KHNYN: variants seen among roughly 807,000 people sequenced by gnomAD.
The protein encoded by KHNYN is protein KHNYN.
In KHNYN, 42 loss-of-function variants were observed where a neutral mutation model predicts 62.7. The ratio of observed to expected loss-of-function variants is 0.67; its 90% CI spans 0.52 to 0.87. KHNYN has a LOEUF of 0.87. KHNYN is among the 40% of genes least tolerant of loss of function. The pLI, the probability that KHNYN is intolerant of heterozygous loss-of-function variation, is 0.00. For synonymous variants in KHNYN, 347 were observed against 345.6 expected, an observed-to-expected ratio of 1.00 and a Z score of -0.04; for missense variants, 829 against 874.1, an observed-to-expected ratio of 0.95 and a Z score of 0.65.
chr14:24,436,850 T>C (rs1388485822), intron 7 of KHNYN, among the ~76,000 whole-genome samples, 186 bp from the exon 8 acceptor site: 1 of 152,208 alleles, frequency 6.6e-6, no homozygotes, highest in East Asian at 1.9e-4. Flanking sequence ...ACCCTGTTTC[T>C]AAAAGAACGG....
In KHNYN at chr14:24,437,985, A is replaced by G. The variant is rs1305494402; in HGVS notation, c.*700A>G. 2.0e-5 allele frequency: 3 copies of G among 152,588 alleles called. No individual in the cohort carries two copies. Among genetic ancestry groups the G allele is most frequent in the Non-Finnish European group, 4.4e-5 (3 of 68,036 alleles). 9.5% of individuals were successfully genotyped at this position (152,588 alleles called of 1,614,324 possible). A position where few individuals can be genotyped will look rare whatever the true frequency, so the allele number is the denominator to read the frequency against. ...CTCAGGTGTGTCTGCCTGTGGCTGC[A>G]CAGGCTCTCTAACCGAAACCTCACT... On this transcript the variant is annotated 3_prime_UTR_variant, in exon 8 of 8. Transcript: ENST00000553935. The surrounding 1 kb of genome is among the most constrained non-coding windows in gnomAD (Gnocchi z 5.5).
At position 24,430,744 on chromosome 14, in the gene KHNYN, G is replaced by A. The variant is rs1200712583; in HGVS notation, c.14G>A (p.Gly5Glu). MPTW[G>E]ARPASPDRFA... is the part of the protein sequence containing the mutation. ...GGGGCAGCAGCCATGCCTACCTGGG[G>A]GGCCCGCCCCGCGTCCCCAGATCGC... Residue 5 changes from glycine to glutamate, a missense_variant, in exon 2 of 8, where the codon GGG (glycine) becomes GAG (glutamate). Coordinates refer to ENST00000553935, the MANE Select transcript of KHNYN (RefSeq NM_015299.3). 3 of 1,567,284 alleles carry A rather than the reference G, an allele frequency of 1.9e-6. No individual in the cohort carries two copies. Among genetic ancestry groups the A allele is most frequent in the African/African-American group, 1.4e-5 (1 of 73,846 alleles).
In KHNYN at chr14:24,430,948, C is replaced by T. The variant is rs1364363545; in HGVS notation, c.201+17C>T. 2.5e-6 allele frequency: 4 copies of T among 1,602,198 alleles called. No homozygotes were observed. The highest frequency in any genetic ancestry group is 4.5e-5 in the East Asian group (2 of 44,604). On this transcript the variant is annotated intron_variant, in intron 2 of 7. Coordinates refer to ENST00000553935, the MANE Select transcript of KHNYN (RefSeq NM_015299.3). Reference sequence around the variant, plus strand: ...AGAGCCAAGGTGAACGCCTTCTCTCCCCCATCCCTCCAGGCACCAAGGACG... The same window carrying T: ...AGAGCCAAGGTGAACGCCTTCTCTCTCCCATCCCTCCAGGCACCAAGGACG...
Position 24,440,965 on chromosome 14 carries a change from G to T in KHNYN, c.*3680G>T. On this transcript the variant is annotated 3_prime_UTR_variant, in exon 8 of 8. Transcript: ENST00000553935. ...ACAATCATTTGCCCTGGGTGTCCTT[G>T]GTCCTGCCTGGCTCTCTGTAGTGGA... is the stretch of plus-strand genomic sequence containing the variant. The T allele has an allele frequency of 1.2e-6, 2 of 1,612,780 alleles. No homozygotes were observed. Among genetic ancestry groups the T allele is most frequent in the Non-Finnish European group, 1.7e-6 (2 of 1,179,120 alleles).
chr14:24,429,027 G>C, upstream of KHNYN: 1 of 1,521,940 alleles, frequency 6.6e-7, no homozygotes, highest in East Asian at 2.5e-5. Context: ...AGGGGACCTG[G>C]TAGCCAGTGT....
At chr14:24,431,073 G>A (rs1375537818) in intron 2 of KHNYN, 142 bp downstream of exon 2, 1 of 730,140 alleles carries the variant, frequency 1.4e-6, no homozygotes, top group Non-Finnish European at 2.2e-6. Flanking sequence ...GGCAACCTCA[G>A]TGCCCCTGAG....
At chr14:24,436,207 G>A in intron 6 of KHNYN, 28 bp downstream of exon 6, 1 of 1,574,876 alleles carries the variant, frequency 6.3e-7, no homozygotes, top group Non-Finnish European at 8.7e-7. Context: ...CTGAGAACTG[G>A]GCACAGATGC....
upstream of KHNYN, chr14:24,428,341 C>A (rs1489520700): frequency 6.2e-7 from 1 of 1,613,964 alleles, no homozygotes; most frequent in South Asian, 1.1e-5. Context: ...GCTGTAGACA[C>A]CCCGGACAGG....
upstream of KHNYN, chr14:24,426,392 G>A (rs917298159): frequency 2.6e-5 from 4 of 152,076 alleles, no homozygotes; most frequent in African/African-American, 9.7e-5. Flanking sequence ...AATATCTGAA[G>A]CAAAGATCCA....
intron 5 of KHNYN, 162 bp from the exon 6 acceptor site, chr14:24,435,910 T>C (rs997649240): frequency 4.0e-5 from 25 of 631,658 alleles, no homozygotes; most frequent in Non-Finnish European, 6.4e-5. Flanking sequence ...TTTTTACTTT[T>C]ATTTTTGTAG....
Position 24,430,810 on chromosome 14 carries a change from A to G in KHNYN, c.80A>G (p.Gln27Arg). Reference protein sequence around the residue: ...SAEAENKVREQQPHVERIFSV... With the variant: ...SAEAENKVRERQPHVERIFSV... ...GAGGCTGAGAACAAGGTTCGGGAACAGCAGCCCCATGTGGAGCGCATCTTC... is the reference window on the plus strand; with the variant it reads ...GAGGCTGAGAACAAGGTTCGGGAACGGCAGCCCCATGTGGAGCGCATCTTC... The change falls in exon 2 of 8, where the codon CAG becomes CGG. Residue 27 changes from glutamine to arginine, a missense_variant. Gln to Arg is a conservative substitution (Grantham distance 43). Transcript: ENST00000553935. 1 of 1,611,780 alleles carries G rather than the reference A, an allele frequency of 6.2e-7. No homozygotes were observed. The highest frequency in any genetic ancestry group is 8.5e-7 in the Non-Finnish European group (1 of 1,179,048).
At position 24,438,725 on chromosome 14, in the gene KHNYN, G is replaced by T. The variant is rs755034784; in HGVS notation, c.*1440G>T. ...TTCTGTTACATCCACCTTTGAGGCT[G>T]GTCATACCTCCAGGAACAATACAGA... On this transcript the variant is annotated 3_prime_UTR_variant, in exon 8 of 8. Transcript: ENST00000553935. The T allele has an allele frequency of 6.6e-6, 1 of 152,130 alleles. No homozygotes were observed. 9.4% of individuals were successfully genotyped at this position (152,130 alleles called of 1,614,324 possible). A position where few individuals can be genotyped will look rare whatever the true frequency, so the allele number is the denominator to read the frequency against.
upstream of KHNYN, chr14:24,427,440 T>A (rs58259908): frequency 0.098 from 25,985 of 265,514 alleles, 2,669 homozygotes; most frequent in African/African-American, 0.31. The surrounding 1 kb of genome is among the most constrained non-coding windows in gnomAD (Gnocchi z 4.4). Flanking sequence ...CTGTCCCTGA[T>A]CAGCATTGAG....
At position 24,436,942 on chromosome 14, in the gene KHNYN, G is replaced by T. The variant is rs1223044296; in HGVS notation, c.1788-94G>T. 5 of 1,490,620 alleles carry T rather than the reference G, an allele frequency of 3.4e-6. No individual in the cohort carries two copies. The East Asian group carries it at 1.1e-4, about 34-fold the overall frequency. 92.3% of individuals were successfully genotyped at this position (1,490,620 alleles called of 1,614,324 possible). A position where few individuals can be genotyped will look rare whatever the true frequency, so the allele number is the denominator to read the frequency against. On this transcript the variant is annotated intron_variant, in intron 7 of 7. Coordinates refer to ENST00000553935, the MANE Select transcript of KHNYN (RefSeq NM_015299.3). ...CTTCAGGATTTCTCCCCCAAAGCCA[G>T]GAATAGGCAGGACAATTACGAGAGG...
chr14:24,430,535 G>A (rs1361239932), intron 1 of KHNYN, 179 bp from the exon 2 acceptor site: 1 of 1,405,928 alleles, frequency 7.1e-7, no homozygotes, highest in Non-Finnish European at 9.2e-7. Context: ...TTCCTCTCCG[G>A]AGAGGCCTGC....
chr14:24,437,475 T>A lies in KHNYN; in HGVS notation c.*190T>A. The A allele has an allele frequency of 1.6e-6, 1 of 629,358 alleles. No homozygotes were observed. The highest frequency in any genetic ancestry group is 2.7e-6 in the Non-Finnish European group (1 of 374,876). 39.0% of individuals were successfully genotyped at this position (629,358 alleles called of 1,614,324 possible). ...TTACCGAGTCAGGACCTCAGCCAGC[T>A]CTCAAGAGGTTCTGCTCAGCCTTAA... On this transcript the variant is annotated 3_prime_UTR_variant, in exon 8 of 8. Transcript: ENST00000553935. The surrounding 1 kb of genome is among the most constrained non-coding windows in gnomAD (Gnocchi z 5.5).
rs767971968 is a variant in KHNYN, at chr14:24,432,087, C to T, written c.826C>T (p.Pro276Ser). ...GATGGATTGGGGGTGGAAGGAGTTGCCTGGGGAAGAGGCGTGGGAGAGAGA... is the reference window on the plus strand; with the variant it reads ...GATGGATTGGGGGTGGAAGGAGTTGTCTGGGGAAGAGGCGTGGGAGAGAGA... ...REMDWGWKEL[P>S]GEEAWEREVA... The change falls in exon 3 of 8, where the codon CCT (proline) becomes TCT (serine). Residue 276 changes from proline to serine, a missense_variant. By Grantham distance (74) the Pro-to-Ser change is moderately conservative. Around this residue, in one of 2 missense-constraint regions of KHNYN, gnomAD observed 559 missense variants for 527.0 expected, o/e 1.06. Coordinates refer to ENST00000553935, the MANE Select transcript of KHNYN (RefSeq NM_015299.3). The surrounding 1 kb of genome is among the most constrained non-coding windows in gnomAD (Gnocchi z 5.6). The T allele has an allele frequency of 1.3e-6, 2 of 1,562,796 alleles. No individual in the cohort carries two copies. The highest frequency in any genetic ancestry group is 1.7e-6 in the Non-Finnish European group (2 of 1,152,962).
chr14:24,441,757 C>A lies in KHNYN; in HGVS notation c.*4472C>A. On this transcript the variant is annotated 3_prime_UTR_variant, in exon 8 of 8. Transcript: ENST00000553935. Reference sequence around the variant, plus strand: ...AGCCAGCAATTGGGTGGTCTCTAGGCGGCTGCCGATTACCTCTTTTTGGAA... The same window carrying A: ...AGCCAGCAATTGGGTGGTCTCTAGGAGGCTGCCGATTACCTCTTTTTGGAA... 6.2e-7 allele frequency: 1 copy of A among 1,602,462 alleles called. No individual in the cohort carries two copies. The highest frequency in any genetic ancestry group is 2.2e-5 in the East Asian group (1 of 44,840).
chr14:24,428,222 G>A, upstream of KHNYN: 1 of 1,595,030 alleles, frequency 6.3e-7, no homozygotes, highest in Non-Finnish European at 8.5e-7. Context: ...GAGGTCAGCT[G>A]GGCTCCCCTT....
Sources: allele counts gnomAD v4.1 joint callset (sites outside exome capture counted in the v4.1 genomes callset), GRCh38; gene constraint gnomAD v4.1.1; regional missense constraint gnomAD v4.1.1; non-coding constraint Gnocchi (gnomAD v3.1); transcripts MANE v1.5; gene names NCBI Gene and HGNC (gene_info 2026-07-23, HGNC 2026-07-21).